Variants in RTN4IP1 observed in about 807,000 individuals in gnomAD.
RTN4IP1 encodes reticulon 4 interacting protein 1.
A neutral mutation model predicts 46.6 loss-of-function variants in RTN4IP1; 32 were observed. The ratio of observed to expected loss-of-function variants is 0.69; its 90% CI spans 0.52 to 0.92. The LOEUF is 0.92. Ranked by LOEUF, RTN4IP1 falls within the 40% of genes least tolerant of loss-of-function variation. The probability of loss-of-function intolerance (pLI) is 0.00; values close to 1 mark genes in which losing one functional copy is unlikely to be tolerated. For synonymous variants in RTN4IP1, 167 were observed against 161.8 expected, an observed-to-expected ratio of 1.03 and a Z score of -0.24; for missense variants, 424 against 485.8, an observed-to-expected ratio of 0.87 and a Z score of 1.20.
chr6:106,609,197 T>C (rs1039987877), intron 4 of RTN4IP1, among the ~76,000 whole-genome samples: 3 of 152,250 alleles, frequency 2.0e-5, no homozygotes, highest in Non-Finnish European at 4.4e-5. Context: ...GACTTCATAT[T>C]ATGCCCTGCA....
At chr6:106,627,743 CTTTTTTTT>C (rs759953237) in intron 1 of RTN4IP1, among the ~76,000 whole-genome samples, 10 of 52,988 alleles carry the variant, frequency 1.9e-4, no homozygotes, top group African/African-American at 6.3e-4. Flanking sequence ...CATTTCAATG[CTTTTTTTT>C]TTTTTTTTTT....
intron 4 of RTN4IP1, among the ~76,000 whole-genome samples, chr6:106,610,931 T>G (rs1370083768): frequency 1.3e-5 from 2 of 152,286 alleles, no homozygotes; most frequent in Non-Finnish European, 2.9e-5. Context: ...AATGTTGGCT[T>G]CTTTTCCATG....
At chr6:106,587,564 G>A in intron 7 of RTN4IP1, 115 bp downstream of exon 7, 1 of 916,710 alleles carries the variant, frequency 1.1e-6, no homozygotes, top group Non-Finnish European at 1.7e-6. Context: ...CAGAGTCCAT[G>A]CTTGCAACCA....
chr6:106,594,382 G>T (rs1444728261), intron 5 of RTN4IP1, among the ~76,000 whole-genome samples: 1 of 152,096 alleles, frequency 6.6e-6, no homozygotes, highest in Admixed American at 6.6e-5. Context: ...GGTGATGCAT[G>T]CCTGTGGTCC....
chr6:106,628,417 G>A (rs1285155668), intron 1 of RTN4IP1, among the ~76,000 whole-genome samples: 1 of 151,930 alleles, frequency 6.6e-6, no homozygotes, highest in African/African-American at 2.4e-5. Flanking sequence ...GCAGTGAGCT[G>A]AGATCAGGCC....
intron 4 of RTN4IP1, among the ~76,000 whole-genome samples, chr6:106,605,034 A>C (rs1187493555): frequency 1.3e-5 from 2 of 152,196 alleles, no homozygotes; most frequent in Non-Finnish European, 2.9e-5. Flanking sequence ...GCTGAGGACT[A>C]GTCCACCCAA....
Position 106,622,845 on chromosome 6 carries a change from A to G in RTN4IP1, c.399T>C (p.Asp133=). 1.2e-6 allele frequency: 2 copies of G among 1,613,722 alleles called. No homozygotes were observed. Residue 133 remains aspartate (D), a synonymous_variant, in exon 2 of 9, where the codon GAT becomes GAC. Transcript: ENST00000369063. The stretch of plus-strand genomic sequence containing the variant: ...CATCTCCAGGCTTGAAGTATTTCAC[A>G]TCAAGCCCACATTCCATCACCACGC... ...VSGVVMECGL[D]VKYFKPGDEV... is the part of the protein sequence containing the mutation.
At chr6:106,607,324 A>C (rs1776105564) in intron 4 of RTN4IP1, among the ~76,000 whole-genome samples, 1 of 152,128 alleles carries the variant, frequency 6.6e-6, no homozygotes, top group Admixed American at 6.5e-5. Flanking sequence ...GAATACGGGC[A>C]AAAATGATAT....
chr6:106,615,059 C>A (rs1256848564), intron 4 of RTN4IP1, among the ~76,000 whole-genome samples: 1 of 149,810 alleles, frequency 6.7e-6, no homozygotes, highest in Non-Finnish European at 1.5e-5. Context: ...ACTCTCCTTG[C>A]CTCCTCAACC....
In RTN4IP1 at chr6:106,571,407, T is replaced by C. The variant is rs1406205330; in HGVS notation, c.*589A>G. 1 of 152,436 alleles carries C rather than the reference T, an allele frequency of 6.6e-6. No individual in the cohort carries two copies. Among genetic ancestry groups the C allele is most frequent in the African/African-American group, 2.4e-5 (1 of 41,438 alleles). The allele number at this position is 152,436 out of a possible 1,614,324, so 9.4% of individuals were successfully genotyped here. A position where few individuals can be genotyped will look rare whatever the true frequency, so the allele number is the denominator to read the frequency against. On this transcript the variant is annotated 3_prime_UTR_variant, in exon 9 of 9. Transcript: ENST00000369063. ...CACTGAAAGTTTTAGTATTGTACAT[T>C]AAGACGATCAGGCCCAGCAGGGTGG...
At chr6:106,596,369 G>A (rs1267889147) in intron 5 of RTN4IP1, among the ~76,000 whole-genome samples, 3 of 152,142 alleles carry the variant, frequency 2.0e-5, no homozygotes, top group Admixed American at 1.3e-4. Context: ...GGTTGCTTGA[G>A]GCCAGGAATT....
chr6:106,573,823 C>G (rs1224977867), intron 8 of RTN4IP1, among the ~76,000 whole-genome samples: 1 of 152,222 alleles, frequency 6.6e-6, no homozygotes, highest in Non-Finnish European at 1.5e-5. Flanking sequence ...TAGCCAAGGA[C>G]TGTAAGGATT....
intron 7 of RTN4IP1, among the ~76,000 whole-genome samples, chr6:106,584,985 C>G (rs2114630707): frequency 6.6e-6 from 1 of 152,340 alleles, no homozygotes; most frequent in South Asian, 2.1e-4. Context: ...GATATTGACT[C>G]CCCTTAGCCC....
At chr6:106,597,366 T>G (rs989567921) in intron 5 of RTN4IP1, among the ~76,000 whole-genome samples, 4 of 152,170 alleles carry the variant, frequency 2.6e-5, no homozygotes, top group Non-Finnish European at 5.9e-5. Context: ...TCTGTTTTTT[T>G]GAGATAGGTC....
At chr6:106,623,517 C>T (rs1776547872) in intron 1 of RTN4IP1, among the ~76,000 whole-genome samples, 1 of 152,168 alleles carries the variant, frequency 6.6e-6, no homozygotes, top group African/African-American at 2.4e-5. Context: ...CAAACCTGCA[C>T]TTGTACCTCT....
In RTN4IP1 at chr6:106,587,744, C is replaced by T. The variant is rs1460428020; in HGVS notation, c.925G>A (p.Asp309Asn). ...TLVTPFLLNM[D>N]RLGIADGMLQ... ...ATGCCATCTGCTATGCCCAATCGGT[C>T]CATGTTCAGGAGGAAAGGAGTCACC... is the stretch of plus-strand genomic sequence containing the variant. The change falls in exon 7 of 9, where the codon GAC becomes AAC. Residue 309 changes from aspartate (D) to asparagine (N), a missense_variant. Coordinates refer to ENST00000369063, the MANE Select transcript of RTN4IP1 (RefSeq NM_032730.5). 2 of 1,613,910 alleles carry T rather than the reference C, an allele frequency of 1.2e-6. No individual in the cohort carries two copies. The highest frequency in any genetic ancestry group is 1.7e-6 in the Non-Finnish European group (2 of 1,179,992).
intron 5 of RTN4IP1, among the ~76,000 whole-genome samples, chr6:106,602,088 T>C (rs944370684): frequency 6.6e-6 from 1 of 152,346 alleles, no homozygotes; most frequent in South Asian, 2.1e-4. Flanking sequence ...GGTTTATTTC[T>C]GGATGCTCAA....
chr6:106,598,974 C>T (rs1412726238), intron 5 of RTN4IP1, among the ~76,000 whole-genome samples: 1 of 151,962 alleles, frequency 6.6e-6, no homozygotes, highest in Non-Finnish European at 1.5e-5. Context: ...TCTTCTATTA[C>T]TAAATGATTT....
Position 106,628,760 on chromosome 6 carries a change from C to T in RTN4IP1, c.262G>A (p.Val88Ile). Residue 88 changes from valine to isoleucine, a missense_variant, in exon 1 of 9, where the codon GTT (valine) becomes ATT (isoleucine). Val to Ile is a conservative substitution (Grantham distance 29). Coordinates refer to ENST00000369063, the MANE Select transcript of RTN4IP1 (RefSeq NM_032730.5). ...VHAASVNPID[V>I]NMRSGYGATA... ...TTTGAAAACTTACTTCTCATATTAA[C>T]GTCTATAGGATTTACACTGGCAGCG... The T allele has an allele frequency of 6.2e-7, 1 of 1,610,818 alleles. No homozygotes were observed. The highest frequency in any genetic ancestry group is 1.3e-5 in the African/African-American group (1 of 74,980).
Sources: allele counts gnomAD v4.1 joint callset (sites outside exome capture counted in the v4.1 genomes callset), GRCh38; gene constraint gnomAD v4.1.1; transcripts MANE v1.5; gene names NCBI Gene and HGNC (gene_info 2026-07-23, HGNC 2026-07-21).